Variants in RASGRP3 observed in about 807,000 individuals in gnomAD.
The protein encoded by RASGRP3 is ras guanyl-releasing protein 3.
A neutral mutation model predicts 82.7 loss-of-function variants in RASGRP3; 54 were observed. That is an observed-to-expected ratio of 0.65 (90% CI 0.52 to 0.82). The LOEUF (loss-of-function observed/expected upper bound fraction) is 0.82. Among genes scored for constraint, RASGRP3 ranks in the 40% least tolerant of loss-of-function variants. RASGRP3 has a pLI of 0.00. For synonymous variants in RASGRP3, 309 were observed against 300.5 expected, an observed-to-expected ratio of 1.03 and a Z score of -0.29; for missense variants, 861 against 828.9, an observed-to-expected ratio of 1.04 and a Z score of -0.48.
chr2:33,553,729 T>C (rs540006605), intron 14 of RASGRP3, among the ~76,000 whole-genome samples: 3 of 152,214 alleles, frequency 2.0e-5, no homozygotes, highest in East Asian at 3.9e-4. Context: ...CTAGGAGACA[T>C]TTGCATTTTA....
Position 33,491,024 on chromosome 2 carries a change from A to G in RASGRP3, c.-261+14317A>G, listed in dbSNP as rs189931171. Among the ~76,000 whole-genome samples, 214 of 152,344 alleles carry G rather than the reference A, an allele frequency of 1.4e-3. 1 individual carries two copies. Among genetic ancestry groups the G allele is most frequent in the Non-Finnish European group, 1.6e-3 (112 of 68,038 alleles). On this transcript the variant is annotated intron_variant, in intron 1 of 17. Coordinates refer to ENST00000403687, the MANE Select transcript of RASGRP3 (RefSeq NM_001139488.2). ...AGTTACACTTTTATTAGATTAAAAGATAACATTTAGAGCAGGCACGGTGGT... is the reference window on the plus strand; with the variant it reads ...AGTTACACTTTTATTAGATTAAAAGGTAACATTTAGAGCAGGCACGGTGGT...
chr2:33,442,267 G>A (rs908052646), intron 1 of RASGRP3, among the ~76,000 whole-genome samples: 1 of 152,228 alleles, frequency 6.6e-6, no homozygotes, highest in Non-Finnish European at 1.5e-5. Flanking sequence ...AGGAGGCTAA[G>A]CCAGGAGAAT....
At chr2:33,501,728 G>A (rs144772266) in intron 1 of RASGRP3, among the ~76,000 whole-genome samples, 1 of 152,294 alleles carries the variant, frequency 6.6e-6, no homozygotes, top group Non-Finnish European at 1.5e-5. Context: ...CTGTGGATGA[G>A]TTCAGCATGG....
At chr2:33,496,571 T>C (rs1206569849) in intron 1 of RASGRP3, among the ~76,000 whole-genome samples, 1 of 152,156 alleles carries the variant, frequency 6.6e-6, no homozygotes, top group Non-Finnish European at 1.5e-5. Context: ...AAATAAATGT[T>C]TGGGCTGGGC....
In RASGRP3 at chr2:33,549,611, C is replaced by T; in HGVS notation, c.1402C>T (p.Leu468=). The change falls in exon 14 of 18, where the codon CTA becomes TTA. Residue 468 remains leucine, a synonymous_variant. Coordinates refer to ENST00000403687, the MANE Select transcript of RASGRP3 (RefSeq NM_001139488.2). ...FCVLDKDQDG[L]ISKDEMMAYF... is the part of the protein sequence containing the mutation. ...CTTTGATTCTCTTAACAGGGATGGC[C>T]TAATTAGTAAAGATGAAATGATGGC... 1 of 1,612,392 alleles carries T rather than the reference C, an allele frequency of 6.2e-7. No individual in the cohort carries two copies. Among genetic ancestry groups the T allele is most frequent in the African/African-American group, 1.3e-5 (1 of 74,972 alleles).
At chr2:33,562,568 G>T (rs1676797695) in intron 17 of RASGRP3, among the ~76,000 whole-genome samples, 161 bp from the exon 18 acceptor site, 1 of 152,126 alleles carries the variant, frequency 6.6e-6, no homozygotes, top group African/African-American at 2.4e-5. Flanking sequence ...ACTGCACCCA[G>T]CTACCTACAT....
At chr2:33,486,536 C>A (rs1574313546) in intron 1 of RASGRP3, among the ~76,000 whole-genome samples, 1 of 152,100 alleles carries the variant, frequency 6.6e-6, no homozygotes, top group Non-Finnish European at 1.5e-5. Flanking sequence ...TAGAATTTAT[C>A]CCATAGGATT....
chr2:33,488,111 T>C (rs1019189634), intron 1 of RASGRP3, among the ~76,000 whole-genome samples: 1 of 152,254 alleles, frequency 6.6e-6, no homozygotes, highest in Non-Finnish European at 1.5e-5. Flanking sequence ...TACTCGATTA[T>C]TTATGAAAGC....
rs1671929870 is a variant in RASGRP3 at position 33,520,576 on chromosome 2, C to A, written c.260C>A (p.Ala87Glu). 4 of 1,613,894 alleles carry A rather than the reference C, an allele frequency of 2.5e-6. No homozygotes were observed. Among genetic ancestry groups the A allele is most frequent in the Non-Finnish European group, 3.4e-6 (4 of 1,179,874 alleles). The change falls in exon 6 of 18, where the codon GCA becomes GAA. Residue 87 changes from alanine (A) to glutamate (E), a missense_variant. Coordinates refer to ENST00000403687, the MANE Select transcript of RASGRP3 (RefSeq NM_001139488.2). ...FMRYWILKFP[A>E]EFNLDLGLIR... ...AGGTACTGGATTCTGAAGTTTCCTG[C>A]AGAGTTTAATTTGGATCTTGGTTTG...
upstream of RASGRP3, among the ~76,000 whole-genome samples, chr2:33,474,646 T>C (rs768252163): frequency 1.2e-4 from 18 of 152,174 alleles, no homozygotes; most frequent in Non-Finnish European, 2.9e-5. Context: ...AAGTGCCCCC[T>C]GTCTGTCTTG....
upstream of RASGRP3, among the ~76,000 whole-genome samples, chr2:33,472,675 G>A (rs1667126491): frequency 6.6e-6 from 1 of 152,086 alleles, no homozygotes; most frequent in African/African-American, 2.4e-5. Context: ...AGAGCCAAAA[G>A]GTCAAGTAAG....
rs1322826652 is a variant in RASGRP3, at chr2:33,527,010, G to A, written c.808-127G>A. ...TCTTTTTCCTGATTCATATTTCCCT[G>A]CAGCAACATTGGTGCAAGTGATACT... On this transcript the variant is annotated intron_variant, in intron 9 of 17. Transcript: ENST00000403687. 1.2e-5 allele frequency: 12 copies of A among 975,706 alleles called. No individual in the cohort carries two copies. The African/African-American group carries it at 1.8e-4, about 15-fold the overall frequency. 60.4% of individuals were successfully genotyped at this position (975,706 alleles called of 1,614,324 possible). A position where few individuals can be genotyped will look rare whatever the true frequency, so the allele number is the denominator to read the frequency against.
chr2:33,454,260 G>C (rs1665934686), intron 2 of RASGRP3, among the ~76,000 whole-genome samples: 1 of 152,144 alleles, frequency 6.6e-6, no homozygotes, highest in Non-Finnish European at 1.5e-5. Flanking sequence ...GCCATACATA[G>C]TCCAGAGAGG....
At chr2:33,560,605 A>AT (rs1397469177) in intron 17 of RASGRP3, among the ~76,000 whole-genome samples, 1 of 152,150 alleles carries the variant, frequency 6.6e-6, no homozygotes, top group African/African-American at 2.4e-5. Flanking sequence ...GTGCAAGAAG[A>AT]TTTTCTGGAT....
chr2:33,524,799 G>A (rs1014222300), intron 9 of RASGRP3, among the ~76,000 whole-genome samples: 7 of 152,118 alleles, frequency 4.6e-5, no homozygotes, highest in African/African-American at 1.7e-4. Context: ...TGTAGTGGTG[G>A]CCGGGCACGG....
At chr2:33,561,750 T>C (rs1257988730) in intron 17 of RASGRP3, among the ~76,000 whole-genome samples, 1 of 152,194 alleles carries the variant, frequency 6.6e-6, no homozygotes, top group African/African-American at 2.4e-5. Flanking sequence ...TACGTGTGTT[T>C]GTAATCTGTG....
intron 1 of RASGRP3, among the ~76,000 whole-genome samples, chr2:33,477,661 C>T (rs958143607): frequency 1.3e-5 from 2 of 152,280 alleles, no homozygotes; most frequent in African/African-American, 2.4e-5. Flanking sequence ...AGCTGTTGTT[C>T]GGTGACTTTT....
intron 3 of RASGRP3, among the ~76,000 whole-genome samples, chr2:33,516,337 G>C (rs1671465153): frequency 6.6e-6 from 1 of 152,152 alleles, no homozygotes; most frequent in African/African-American, 2.4e-5. Flanking sequence ...AACCCGGGAG[G>C]TGGAGGTTGC....
At chr2:33,521,580 T>A (rs1042645103) in intron 6 of RASGRP3, among the ~76,000 whole-genome samples, 1 of 152,270 alleles carries the variant, frequency 6.6e-6, no homozygotes, top group Non-Finnish European at 1.5e-5. Context: ...GTTCATGTTA[T>A]ACTAAAGTAT....
Sources: allele counts gnomAD v4.1 joint callset (sites outside exome capture counted in the v4.1 genomes callset), GRCh38; gene constraint gnomAD v4.1.1; transcripts MANE v1.5; gene names NCBI Gene and HGNC (gene_info 2026-07-23, HGNC 2026-07-21).